Variants in MAGI1 observed in about 807,000 individuals in gnomAD.
MAGI1 encodes membrane associated guanylate kinase, WW and PDZ domain containing 1, also known as membrane-associated guanylate kinase, WW and PDZ domain-containing protein 1.
Under a neutral mutation model 139.9 loss-of-function variants are expected in MAGI1, and 58 were observed. The ratio of observed to expected loss-of-function variants is 0.41; its 90% CI spans 0.34 to 0.52. The LOEUF (loss-of-function observed/expected upper bound fraction) is 0.52. Ranked by LOEUF, MAGI1 falls within the 20% of genes least tolerant of loss-of-function variation. The pLI is 0.12. For synonymous variants in MAGI1, 812 were observed against 737.9 expected (o/e 1.10, Z -1.63); for missense variants, 1,874 against 1,901.6 (o/e 0.99, Z 0.27).
At chr3:65,734,136 A>C (rs2034466679) in intron 1 of MAGI1, among the ~76,000 whole-genome samples, 1 of 152,156 alleles carries the variant, frequency 6.6e-6, no homozygotes, top group Non-Finnish European at 1.5e-5. Flanking sequence ...TGAGGATGCC[A>C]ACTCATTTTT....
chr3:65,564,033 A>G (rs1254172981), intron 2 of MAGI1, among the ~76,000 whole-genome samples: 1 of 152,178 alleles, frequency 6.6e-6, no homozygotes, highest in Non-Finnish European at 1.5e-5. Flanking sequence ...GCAACTGGAA[A>G]CTGGGCTCCT....
At chr3:65,977,280 T>C (rs2065312701) in intron 1 of MAGI1, among the ~76,000 whole-genome samples, 1 of 152,194 alleles carries the variant, frequency 6.6e-6, no homozygotes, top group Admixed American at 6.5e-5. Flanking sequence ...ACTGTCACCC[T>C]CAACCTACGA....
At chr3:65,893,757 C>G (rs910114577) in intron 1 of MAGI1, 3 of 152,200 alleles carry the variant, frequency 2.0e-5, no homozygotes, top group Admixed American at 6.5e-5. Flanking sequence ...ACGGCTTAAA[C>G]TAACAACAAT....
At chr3:65,648,956 G>T (rs1344398401) in intron 1 of MAGI1, among the ~76,000 whole-genome samples, 2 of 152,128 alleles carry the variant, frequency 1.3e-5, no homozygotes, top group African/African-American at 2.4e-5. Context: ...AGTGGAGAAA[G>T]GACACCCTTT....
intron 1 of MAGI1, among the ~76,000 whole-genome samples, chr3:65,849,589 CTGTTAT>C (rs1323076242): frequency 2.6e-5 from 4 of 151,376 alleles, no homozygotes; most frequent in African/African-American, 9.7e-5. Context: ...GGTTGCTGGT[CTGTTAT>C]TGTTAGATGT....
intron 1 of MAGI1, among the ~76,000 whole-genome samples, chr3:65,992,328 C>T (rs2066226751): frequency 1.3e-5 from 2 of 152,206 alleles, no homozygotes; most frequent in Admixed American, 1.3e-4. Context: ...AAAGACAGTC[C>T]TTCCATAGAT....
chr3:65,429,749 A>G lies in MAGI1; in HGVS notation c.1938T>C (p.Ile646=). ...ATQPELITVH[I]VKGPMGFGFT... is the part of the protein sequence containing the mutation. The stretch of plus-strand genomic sequence containing the variant: ...AACCAAAGCCCATTGGCCCTTTGAC[A>G]ATATGAACAGTTATGAGTTCTGGCT... The change falls in exon 12 of 23, where the codon ATT becomes ATC. Residue 646 remains isoleucine (I), a synonymous_variant. Coordinates refer to ENST00000402939, the MANE Select transcript of MAGI1 (RefSeq NM_001033057.2). 1.2e-6 allele frequency: 2 copies of G among 1,613,994 alleles called. No individual in the cohort carries two copies. Among genetic ancestry groups the G allele is most frequent in the Non-Finnish European group, 1.7e-6 (2 of 1,179,962 alleles).
chr3:65,616,010 T>A (rs1255973424), intron 2 of MAGI1, among the ~76,000 whole-genome samples: 1 of 152,206 alleles, frequency 6.6e-6, no homozygotes, highest in Admixed American at 6.5e-5. Context: ...GCCTAAGAAT[T>A]CGTTGCTAGC....
chr3:65,374,444 A>C (rs1197677322), intron 18 of MAGI1, among the ~76,000 whole-genome samples: 1 of 151,184 alleles, frequency 6.6e-6, no homozygotes, highest in African/African-American at 2.4e-5. Flanking sequence ...CAGCCTCCCA[A>C]GTAGCTGGGA....
At chr3:65,751,855 T>C (rs1419309756) in intron 1 of MAGI1, among the ~76,000 whole-genome samples, 2 of 152,248 alleles carry the variant, frequency 1.3e-5, no homozygotes, top group Non-Finnish European at 2.9e-5. Context: ...AAAAATTTCC[T>C]TCTTTATTCT....
intron 1 of MAGI1, among the ~76,000 whole-genome samples, chr3:65,809,345 T>C (rs1274911619): frequency 6.6e-6 from 1 of 152,050 alleles, no homozygotes; most frequent in African/African-American, 2.4e-5. Flanking sequence ...AAGGGGAAGC[T>C]GAAAAAGAAG....
At chr3:65,873,827 C>G (rs915517077) in intron 1 of MAGI1, 3 of 151,952 alleles carry the variant, frequency 2.0e-5, no homozygotes, top group Non-Finnish European at 4.4e-5. Flanking sequence ...AAAAATGGAC[C>G]ATATACCTAA....
intron 2 of MAGI1, among the ~76,000 whole-genome samples, chr3:65,540,490 T>C (rs1026242696): frequency 2.6e-5 from 4 of 152,174 alleles, no homozygotes; most frequent in African/African-American, 9.7e-5. Flanking sequence ...TGCAGGATGG[T>C]AGAATGAATA....
chr3:65,546,214 T>C (rs1001046314), intron 2 of MAGI1, among the ~76,000 whole-genome samples: 3 of 152,194 alleles, frequency 2.0e-5, no homozygotes, highest in Non-Finnish European at 4.4e-5. Flanking sequence ...CATTTACTTG[T>C]CATTCAGCAA....
At chr3:65,687,989 CTTGAGGGTTTCGTTTTCCTGGCT>C in intron 1 of MAGI1, 1 of 824,242 alleles carries the variant, frequency 1.2e-6, no homozygotes, top group Non-Finnish European at 2.1e-6. Context: ...TACTGAAGGA[CTTGAGGGTTTCGTTTTCCTGGCT>C]TTGAGCCCCT....
intron 22 of MAGI1, chr3:65,359,859 C>T (rs1326371384): frequency 1.5e-5 from 15 of 985,348 alleles, no homozygotes; most frequent in Non-Finnish European, 1.8e-5. Flanking sequence ...GACGATGACT[C>T]TCAAATGAAA....
chr3:65,381,834 A>G (rs1943077385), intron 16 of MAGI1, 43 bp downstream of exon 16: 1 of 1,514,646 alleles, frequency 6.6e-7, no homozygotes, highest in Non-Finnish European at 8.9e-7. Context: ...TTCTGTGAAT[A>G]AAGTGACAAC....
At chr3:65,827,729 G>A (rs1358544347) in intron 1 of MAGI1, among the ~76,000 whole-genome samples, 1 of 152,170 alleles carries the variant, frequency 6.6e-6, no homozygotes, top group African/African-American at 2.4e-5. Flanking sequence ...TTTTGGCATG[G>A]AAGAAGCTGC....
intron 2 of MAGI1, among the ~76,000 whole-genome samples, chr3:65,605,017 C>G (rs765858651): frequency 5.3e-5 from 8 of 152,170 alleles, no homozygotes; most frequent in Non-Finnish European, 1.0e-4. Flanking sequence ...CTGAAAATGA[C>G]TCATGCCATG....
Sources: gnomAD v4.1 joint callset for allele counts (sites outside exome capture counted in the v4.1 genomes callset) on GRCh38, gnomAD v4.1.1 for gene constraint, MANE v1.5 for transcripts, NCBI Gene and HGNC (gene_info 2026-07-23, HGNC 2026-07-21) for gene names.